Variants in CDX1 observed in about 807,000 individuals in gnomAD.
CDX1 encodes the protein caudal type homeobox 1.
In CDX1, 9 loss-of-function variants were observed where a neutral mutation model predicts 16.9. The ratio of observed to expected loss-of-function variants is 0.53; its 90% confidence interval spans 0.32 to 0.93. The LOEUF is 0.93. CDX1 is among the 40% of genes least tolerant of loss of function. The pLI, the probability that CDX1 is intolerant of heterozygous loss-of-function variation, is 0.04. For synonymous variants in CDX1, 179 were observed against 179.0 expected, an observed-to-expected ratio of 1.00 and a Z score of 0.00; for missense variants, 393 against 386.1, an observed-to-expected ratio of 1.02 and a Z score of -0.15.
intron 1 of CDX1, among the ~76,000 whole-genome samples, chr5:150,167,820 T>A (rs748448134): frequency 6.6e-6 from 1 of 152,202 alleles, no homozygotes; most frequent in Non-Finnish European, 1.5e-5. Context: ...CTGGGTCATA[T>A]CCTTCAGGCT....
At chr5:150,167,461 G>A in intron 1 of CDX1, 140 bp downstream of exon 1, 1 of 501,002 alleles carries the variant, frequency 2.0e-6, no homozygotes, top group Non-Finnish European at 3.1e-6. Context: ...CGCCCTGGGG[G>A]GCTGCTCTTT....
At chr5:150,172,928 C>T (rs527730361) in intron 1 of CDX1, among the ~76,000 whole-genome samples, 9 of 152,222 alleles carry the variant, frequency 5.9e-5, no homozygotes, top group African/African-American at 9.6e-5. Flanking sequence ...CTTAATGGGC[C>T]GGCCTCTCAG....
chr5:150,184,047 C>G lies in CDX1; in HGVS notation c.*367C>G. ...AGGCTGCTGTGGGGACCACACTGAT[C>G]CTGGAGAAAAGGGATGGAGCTGAAA... On this transcript the variant is annotated 3_prime_UTR_variant, in exon 3 of 3. Transcript: ENST00000231656. 1 of 191,954 alleles carries G rather than the reference C, an allele frequency of 5.2e-6. No homozygotes were observed. The highest frequency in any genetic ancestry group is 1.2e-4 in the East Asian group (1 of 8,046). The allele number at this position is 191,954 out of a possible 1,614,324, so 11.9% of individuals were successfully genotyped here. A position where few individuals can be genotyped will look rare whatever the true frequency, so the allele number is the denominator to read the frequency against.
At position 150,182,951 on chromosome 5, in the gene CDX1, C is replaced by T. The variant is rs201464921; in HGVS notation, c.591+38C>T. On this transcript the variant is annotated intron_variant, in intron 2 of 2. Coordinates refer to ENST00000231656, the MANE Select transcript of CDX1 (RefSeq NM_001804.3). Reference sequence around the variant, plus strand: ...TCCTATCTCAGCCATAGGAGCAGTGCGAGGACTCTGGTCTCCAGGCTGCCA... The same window carrying T: ...TCCTATCTCAGCCATAGGAGCAGTGTGAGGACTCTGGTCTCCAGGCTGCCA... The T allele has an allele frequency of 1.5e-4, 227 of 1,565,468 alleles. No homozygotes were observed. The highest frequency in any genetic ancestry group is 1.4e-3 in the Middle Eastern group (8 of 5,680).
chr5:150,168,379 C>T (rs1393267355), intron 1 of CDX1, among the ~76,000 whole-genome samples: 3 of 152,362 alleles, frequency 2.0e-5, no homozygotes, highest in Non-Finnish European at 4.4e-5. Flanking sequence ...TCAGGAGCTA[C>T]GGGTTCTGGC....
intron 1 of CDX1, among the ~76,000 whole-genome samples, chr5:150,172,558 A>G (rs1761520534): frequency 6.6e-6 from 1 of 152,180 alleles, no homozygotes. Context: ...TGTGAAATAA[A>G]GACACACTCA....
chr5:150,167,143 G>T lies in CDX1; in HGVS notation c.267G>T (p.Ser89=), dbSNP rs1348794978. 2 of 1,322,104 alleles carry T rather than the reference G, an allele frequency of 1.5e-6. No homozygotes were observed. The highest frequency in any genetic ancestry group is 1.9e-6 in the Non-Finnish European group (2 of 1,045,212). The allele number at this position is 1,322,104 out of a possible 1,614,324, so 81.9% of individuals were successfully genotyped here. A position where few individuals can be genotyped will look rare whatever the true frequency, so the allele number is the denominator to read the frequency against. ...GPAAPAASPA[S]LAFGPPPDFS... The stretch of plus-strand genomic sequence containing the variant: ...CGGCCCCTGCCGCCAGCCCAGCTTC[G>T]CTGGCATTCGGGCCCCCTCCAGACT... Residue 89 remains serine (S), a synonymous_variant, in exon 1 of 3, where the codon TCG becomes TCT. Transcript: ENST00000231656.
intron 1 of CDX1, among the ~76,000 whole-genome samples, chr5:150,175,788 C>G (rs1050096975): frequency 2.0e-5 from 3 of 152,194 alleles, no homozygotes; most frequent in African/African-American, 4.8e-5. Flanking sequence ...GCTGGTGGGC[C>G]GGCCAGATCT....
chr5:150,179,178 G>C (rs1368541848), intron 1 of CDX1, among the ~76,000 whole-genome samples: 3 of 152,206 alleles, frequency 2.0e-5, no homozygotes, highest in Non-Finnish European at 2.9e-5. Flanking sequence ...GGGATTCCCT[G>C]GTTTCTGAGC....
chr5:150,182,830 G>A lies in CDX1; in HGVS notation c.508G>A (p.Glu170Lys). 1.2e-6 allele frequency: 2 copies of A among 1,613,484 alleles called. No homozygotes were observed. The highest frequency in any genetic ancestry group is 1.7e-6 in the Non-Finnish European group (2 of 1,179,642). ...VYTDHQRLELEKEFHYSRYIT... is the reference protein window; with the variant it reads ...VYTDHQRLELKKEFHYSRYIT... ...CACCGACCACCAACGCCTGGAGCTG[G>A]AGAAGGAGTTTCATTACAGCCGTTA... The change falls in exon 2 of 3, where the codon GAG becomes AAG. Residue 170 changes from glutamate to lysine, a missense_variant. By Grantham distance (56) the Glu-to-Lys change is moderately conservative. Transcript: ENST00000231656.
Position 150,183,988 on chromosome 5 carries a change from ACCT to A in CDX1, c.*317_*319del, listed in dbSNP as rs1427795769. On this transcript the variant is annotated 3_prime_UTR_variant, in exon 3 of 3. Coordinates refer to ENST00000231656, the MANE Select transcript of CDX1 (RefSeq NM_001804.3). Reference sequence around the variant, plus strand: ...GGGCCTAGACAAGGCTCCAGGCCCCACCTCCTCCTCCATACGTTCAGAGGTGCA... The same window carrying A: ...GGGCCTAGACAAGGCTCCAGGCCCCACCTCCTCCATACGTTCAGAGGTGCA... 1.5e-5 allele frequency: 4 copies of A among 265,594 alleles called. No individual in the cohort carries two copies. In the East Asian group the frequency reaches 2.7e-4, roughly 18 times the overall value. 16.5% of individuals were successfully genotyped at this position (265,594 alleles called of 1,614,324 possible).
At chr5:150,169,360 C>T (rs1000619487) in intron 1 of CDX1, among the ~76,000 whole-genome samples, 1 of 152,090 alleles carries the variant, frequency 6.6e-6, no homozygotes. Flanking sequence ...GCATTTCCCC[C>T]TCCTTGCTCT....
chr5:150,171,878 G>T (rs1761511988), intron 1 of CDX1, among the ~76,000 whole-genome samples: 1 of 152,236 alleles, frequency 6.6e-6, no homozygotes, highest in African/African-American at 2.4e-5. Flanking sequence ...GCTGTAACAG[G>T]ATAATAATAG....
At position 150,181,038 on chromosome 5, in the gene CDX1, T is replaced by G. The variant is rs901335779; in HGVS notation, c.446-1730T>G. On this transcript the variant is annotated intron_variant, in intron 1 of 2. Transcript: ENST00000231656. ...AACCTACATCAGACTTCATGTCTCC[T>G]CTGCTCAGAATCCTGCAATGGCTCC... 3.3e-5 allele frequency among the ~76,000 whole-genome samples: 5 copies of G among 152,188 alleles called. No homozygotes were observed. In the East Asian group the frequency reaches 7.7e-4, roughly 23 times the overall value.
At position 150,169,359 on chromosome 5, in the gene CDX1, C is replaced by T. The variant is rs547080270; in HGVS notation, c.445+2038C>T. Among the ~76,000 whole-genome samples, 59 of 152,170 alleles carry T rather than the reference C, an allele frequency of 3.9e-4. 1 individual carries two copies. Among genetic ancestry groups the T allele is most frequent in the African/African-American group, 1.4e-3 (58 of 41,506 alleles). On this transcript the variant is annotated intron_variant, in intron 1 of 2. Transcript: ENST00000231656. ...TACCCCAGGCAAAAAAGCATTTCCCCCTCCTTGCTCTCCGAGAGTAGAGGG... is the reference window on the plus strand; with the variant it reads ...TACCCCAGGCAAAAAAGCATTTCCCTCTCCTTGCTCTCCGAGAGTAGAGGG...
intron 1 of CDX1, among the ~76,000 whole-genome samples, chr5:150,176,882 G>C (rs1449072771): frequency 6.6e-6 from 1 of 152,256 alleles, no homozygotes; most frequent in African/African-American, 2.4e-5. Context: ...AGACGTGCAT[G>C]CCTGTTTGCA....
chr5:150,167,022 C>T lies in CDX1; in HGVS notation c.146C>T (p.Ser49Phe), dbSNP rs1328513009. ...CAGTACCCCGACTTCTCCAGCTACT[C>T]TCACGTGGAGCCGGCCCCCGCGCCC... is the stretch of plus-strand genomic sequence containing the variant. ...PPQYPDFSSYSHVEPAPAPPT... is the reference protein window; with the variant it reads ...PPQYPDFSSYFHVEPAPAPPT... The change falls in exon 1 of 3, where the codon TCT (serine) becomes TTT (phenylalanine). Residue 49 changes from serine (S) to phenylalanine (F), a missense_variant. By Grantham distance (155) the Ser-to-Phe change is radical. Coordinates refer to ENST00000231656, the MANE Select transcript of CDX1 (RefSeq NM_001804.3). The T allele has an allele frequency of 2.1e-6, 3 of 1,438,238 alleles. No individual in the cohort carries two copies. In the South Asian group the frequency reaches 4.2e-5, roughly 20 times the overall value. 89.1% of individuals were successfully genotyped at this position (1,438,238 alleles called of 1,614,324 possible).
In CDX1 at chr5:150,183,625, C is replaced by T. The variant is rs372730428; in HGVS notation, c.743C>T (p.Thr248Ile). ...CTGGGGGGCCTGTGTCCCAGCAACA[C>T]CAGCCTCCTGGCCACCTCCTCTCCA... ...PSLGGLCPSN[T>I]SLLATSSPMP... Residue 248 changes from threonine (T) to isoleucine (I), a missense_variant, in exon 3 of 3, where the codon ACC (threonine) becomes ATC (isoleucine). Transcript: ENST00000231656. 2 of 1,608,416 alleles carry T rather than the reference C, an allele frequency of 1.2e-6. No homozygotes were observed. The highest frequency in any genetic ancestry group is 1.7e-6 in the Non-Finnish European group (2 of 1,176,230).
intron 2 of CDX1, 124 bp from the exon 3 acceptor site, chr5:150,183,350 A>G: frequency 3.7e-6 from 3 of 820,040 alleles, no homozygotes; most frequent in Non-Finnish European, 5.6e-6. Flanking sequence ...GGGAGGCTGG[A>G]GAGGAGATAA....
Sources: gnomAD v4.1 joint callset for allele counts (sites outside exome capture counted in the v4.1 genomes callset) on GRCh38, gnomAD v4.1.1 for gene constraint, MANE v1.5 for transcripts, NCBI Gene and HGNC (gene_info 2026-07-23, HGNC 2026-07-21) for gene names.